SNX7: variants seen among roughly 807,000 people sequenced by gnomAD.
The protein encoded by SNX7 is sorting nexin 7.
A neutral mutation model predicts 48.4 loss-of-function variants in SNX7; 35 were observed. The ratio of observed to expected loss-of-function variants is 0.72; its 90% confidence interval spans 0.55 to 0.96. The LOEUF is 0.96. SNX7 is among the 40% of genes least tolerant of loss of function. The pLI, the probability that SNX7 is intolerant of heterozygous loss-of-function variation, is 0.00. For synonymous variants in SNX7, 190 were observed against 190.2 expected (o/e 1.00, Z 0.01); for missense variants, 553 against 548.9 (o/e 1.01, Z -0.07).
At position 98,661,833 on chromosome 1, in the gene SNX7, C is replaced by T; in HGVS notation, c.102C>T (p.Ser34=). ...SPGGGAPFPG[S]SGSSALLQAE... is the part of the protein sequence containing the mutation. ...GGGGCGGCGCCCCCTTTCCGGGCAG[C>T]AGTGGCTCTTCCGCCCTGCTGCAGG... The change falls in exon 1 of 9, where the codon AGC becomes AGT. Residue 34 remains serine, a synonymous_variant. Coordinates refer to ENST00000306121, the MANE Select transcript of SNX7 (RefSeq NM_015976.5). The T allele has an allele frequency of 1.6e-6, 2 of 1,246,334 alleles. No homozygotes were observed. Among genetic ancestry groups the T allele is most frequent in the Non-Finnish European group, 2.0e-6 (2 of 987,372 alleles). The allele number at this position is 1,246,334 out of a possible 1,614,324, so 77.2% of individuals were successfully genotyped here. A position where few individuals can be genotyped will look rare whatever the true frequency, so the allele number is the denominator to read the frequency against.
At chr1:98,662,176 C>G (rs1206978554) in intron 1 of SNX7, 4 of 334,204 alleles carry the variant, frequency 1.2e-5, no homozygotes, top group Non-Finnish European at 2.2e-5. Flanking sequence ...TTAGTGGAGT[C>G]TGCAAAGTTG....
intron 7 of SNX7, among the ~76,000 whole-genome samples, chr1:98,704,192 G>A (rs1651902038): frequency 6.6e-6 from 1 of 152,042 alleles, no homozygotes; most frequent in South Asian, 2.1e-4. Context: ...TTTCACTTGG[G>A]TGTGTGTGTC....
chr1:98,698,603 G>T (rs1397889171), intron 5 of SNX7, 103 bp from the exon 6 acceptor site: 10 of 957,552 alleles, frequency 1.0e-5, no homozygotes, highest in Non-Finnish European at 1.4e-5. Context: ...GTAAGAACAT[G>T]TGCACTGTGA....
At chr1:98,726,962 G>C (rs866840523) in intron 7 of SNX7, among the ~76,000 whole-genome samples, 12 of 152,162 alleles carry the variant, frequency 7.9e-5, no homozygotes, top group African/African-American at 2.9e-4. Context: ...TGTAATCCCA[G>C]CACTTTGGGA....
chr1:98,741,514 G>C (rs1003308686), intron 8 of SNX7, among the ~76,000 whole-genome samples: 1 of 152,090 alleles, frequency 6.6e-6, no homozygotes, highest in Admixed American at 6.6e-5. Flanking sequence ...CTTTTACTAG[G>C]TAAAATGATG....
chr1:98,745,516 A>G (rs1256972462), intron 8 of SNX7, among the ~76,000 whole-genome samples: 1 of 152,050 alleles, frequency 6.6e-6, no homozygotes, highest in Non-Finnish European at 1.5e-5. Flanking sequence ...AGAGCAGTCT[A>G]TATCTTTGGA....
chr1:98,744,836 C>T (rs961497100), intron 8 of SNX7, among the ~76,000 whole-genome samples: 56 of 151,992 alleles, frequency 3.7e-4, no homozygotes, highest in African/African-American at 1.3e-3. Flanking sequence ...CTTTACCAAC[C>T]TGAAAGCAGT....
At chr1:98,753,089 G>A (rs1380985399) in intron 8 of SNX7, among the ~76,000 whole-genome samples, 1 of 152,014 alleles carries the variant, frequency 6.6e-6, no homozygotes, top group East Asian at 1.9e-4. Context: ...TTTCTCACCT[G>A]TAAAATAGGA....
chr1:98,695,935 C>G (rs985595318), intron 5 of SNX7, among the ~76,000 whole-genome samples: 3 of 152,116 alleles, frequency 2.0e-5, no homozygotes, highest in Admixed American at 6.5e-5. Flanking sequence ...GCTCTACTTC[C>G]CATTCATAGA....
In SNX7 at chr1:98,698,718, A is replaced by G. The variant is rs764154617; in HGVS notation, c.851A>G (p.Glu284Gly). The stretch of plus-strand genomic sequence containing the variant: ...TTTTTTTTTTTAGAATATTTTGATG[A>G]AATGAAAGAATATGGCCCAATTCAT... ...IYKEEREYFDEMKEYGPIHIL... is the reference protein window; with the variant it reads ...IYKEEREYFDGMKEYGPIHIL... The change falls in exon 6 of 9, where the codon GAA becomes GGA. Residue 284 changes from glutamate (E) to glycine (G), a missense_variant. Glu to Gly is a moderately conservative substitution (Grantham distance 98). Transcript: ENST00000306121. 1.9e-6 allele frequency: 3 copies of G among 1,608,220 alleles called. No homozygotes were observed. Among genetic ancestry groups the G allele is most frequent in the Admixed American group, 3.4e-5 (2 of 59,318 alleles).
At position 98,661,902 on chromosome 1, in the gene SNX7, G is replaced by A. The variant is rs1649248173; in HGVS notation, c.171G>A (p.Val57=). The change falls in exon 1 of 9, where the codon GTG becomes GTA. Residue 57 remains valine, a synonymous_variant. Coordinates refer to ENST00000306121, the MANE Select transcript of SNX7 (RefSeq NM_015976.5). ...DLDEDEDDLE[V]FSKDASLMDM... ...ACGAGGACGAGGACGACCTGGAGGT[G>A]TTCAGCAAGGTGAGGGCGGCGGCGG... 8.0e-7 allele frequency: 1 copy of A among 1,247,372 alleles called. No homozygotes were observed. The highest frequency in any genetic ancestry group is 4.1e-5 in the South Asian group (1 of 24,346). The allele number at this position is 1,247,372 out of a possible 1,614,324, so 77.3% of individuals were successfully genotyped here.
At chr1:98,694,596 A>ATTTTTTTTTTTTTTTTTTT (rs764330196) in intron 4 of SNX7, among the ~76,000 whole-genome samples, 2 of 53,200 alleles carry the variant, frequency 3.8e-5, no homozygotes, top group Middle Eastern at 0.02. Flanking sequence ...TTGCTCTGGG[A>ATTTTTTTTTTTTTTTTTTT]TTTTTTTTTT....
rs115853774 is a variant in SNX7, at chr1:98,737,550, T to C, written c.1126-687T>C. On this transcript the variant is annotated intron_variant, in intron 7 of 8. Transcript: ENST00000306121. Reference sequence around the variant, plus strand: ...GAATAGCTATAAATATAAAAATACATATATATGAATATGCCAAATATAAAA... The same window carrying C: ...GAATAGCTATAAATATAAAAATACACATATATGAATATGCCAAATATAAAA... 6.1e-3 allele frequency among the ~76,000 whole-genome samples: 924 copies of C among 152,276 alleles called. 12 individuals are homozygous for C. Among genetic ancestry groups the C allele is most frequent in the African/African-American group, 0.021 (885 of 41,556 alleles).
At chr1:98,711,305 A>G (rs765312399) in intron 7 of SNX7, among the ~76,000 whole-genome samples, 8 of 152,202 alleles carry the variant, frequency 5.3e-5, no homozygotes, top group Non-Finnish European at 7.3e-5. Context: ...GGACTGGCCT[A>G]AAGTATAAAT....
intron 8 of SNX7, among the ~76,000 whole-genome samples, chr1:98,748,645 C>CAT (rs928336526): frequency 1.3e-5 from 2 of 150,986 alleles, no homozygotes; most frequent in African/African-American, 4.9e-5. Context: ...TAAACACACA[C>CAT]ACACACACAC....
At chr1:98,687,556 T>C (rs1650873786) in intron 2 of SNX7, among the ~76,000 whole-genome samples, 1 of 152,174 alleles carries the variant, frequency 6.6e-6, no homozygotes, top group African/African-American at 2.4e-5. Flanking sequence ...CCAAGTATTG[T>C]GCTTATATAT....
At chr1:98,709,874 T>G (rs190065132) in intron 7 of SNX7, among the ~76,000 whole-genome samples, 3 of 152,302 alleles carry the variant, frequency 2.0e-5, no homozygotes, top group South Asian at 2.1e-4. Context: ...CACTAATGTC[T>G]TTACTTTCTG....
chr1:98,698,229 G>T (rs747604704), intron 5 of SNX7, among the ~76,000 whole-genome samples: 6 of 152,062 alleles, frequency 3.9e-5, no homozygotes, highest in Non-Finnish European at 7.4e-5. Flanking sequence ...TTTTGGAATT[G>T]GTGATTTACT....
At position 98,736,385 on chromosome 1, in the gene SNX7, C is replaced by T. The variant is rs1178910012; in HGVS notation, c.1126-1852C>T. 2.6e-5 allele frequency among the ~76,000 whole-genome samples: 4 copies of T among 152,098 alleles called. No homozygotes were observed. In the East Asian group the frequency reaches 7.7e-4, roughly 29 times the overall value. ...AATCCAGAGGAGGCTCTCTAACGTC[C>T]CTGAGGTCTCCTAGCAGACCCAGAT... is the stretch of plus-strand genomic sequence containing the variant. On this transcript the variant is annotated intron_variant, in intron 7 of 8. Coordinates refer to ENST00000306121, the MANE Select transcript of SNX7 (RefSeq NM_015976.5).
Sources: gnomAD v4.1 joint callset for allele counts (sites outside exome capture counted in the v4.1 genomes callset) on GRCh38, gnomAD v4.1.1 for gene constraint, MANE v1.5 for transcripts, NCBI Gene and HGNC (gene_info 2026-07-23, HGNC 2026-07-21) for gene names.